DSCAM: variants seen among roughly 807,000 people sequenced by gnomAD.
DSCAM encodes the protein cell adhesion molecule DSCAM.
DSCAM carries 47 observed loss-of-function variants against 217.7 expected under a neutral mutation model. The observed-to-expected ratio is 0.22, with a 90% CI of 0.17 to 0.28. The LOEUF is 0.28. Ranked by LOEUF, DSCAM falls within the 10% of genes least tolerant of loss-of-function variation. The pLI is 1.00. For synonymous variants in DSCAM, 1,056 were observed against 1,015.3 expected, an observed-to-expected ratio of 1.04 and a Z score of -0.76; for missense variants, 2,080 against 2,618.3, an observed-to-expected ratio of 0.79 and a Z score of 4.49.
chr21:40,315,745 C>T (rs1444997235), intron 8 of DSCAM, among the ~76,000 whole-genome samples: 1 of 152,190 alleles, frequency 6.6e-6, no homozygotes, highest in African/African-American at 2.4e-5. Context: ...TGCACTAAAT[C>T]TCATACACAT....
chr21:40,370,897 G>A (rs905406526), intron 3 of DSCAM, among the ~76,000 whole-genome samples: 3 of 152,020 alleles, frequency 2.0e-5, no homozygotes, highest in Non-Finnish European at 2.9e-5. Context: ...GCCAGGGAGT[G>A]TAATCCCTCC....
chr21:40,015,418 T>TA (rs548645633), intron 32 of DSCAM, among the ~76,000 whole-genome samples: 4 of 2,658 alleles, frequency 1.5e-3, no homozygotes, highest in Admixed American at 0.011. Context: ...CTCTTGACTC[T>TA]TTTTTTTTTT....
At chr21:40,089,481 C>T (rs905154148) in intron 21 of DSCAM, among the ~76,000 whole-genome samples, 2 of 152,312 alleles carry the variant, frequency 1.3e-5, no homozygotes, top group East Asian at 1.9e-4. Flanking sequence ...GTGTCCTGGA[C>T]CCCTTCCTAG....
At chr21:40,105,969 G>A (rs566746615) in intron 20 of DSCAM, among the ~76,000 whole-genome samples, 2 of 152,298 alleles carry the variant, frequency 1.3e-5, no homozygotes, top group Admixed American at 6.5e-5. Context: ...TGATCATGGT[G>A]GATAAGTGTA....
intron 3 of DSCAM, among the ~76,000 whole-genome samples, chr21:40,402,638 T>C (rs1280630639): frequency 6.6e-6 from 1 of 151,402 alleles, no homozygotes; most frequent in African/African-American, 2.4e-5. Flanking sequence ...TTAAAAAAAA[T>C]GGCACTTAAC....
chr21:40,757,806 G>A (rs747456481), intron 1 of DSCAM, among the ~76,000 whole-genome samples: 12 of 152,184 alleles, frequency 7.9e-5, no homozygotes, highest in Non-Finnish European at 1.5e-4. Flanking sequence ...ATCAAGTCTC[G>A]ATTGAATCCT....
rs1395857596 is a variant in DSCAM at position 40,799,784 on chromosome 21, G to A, written c.43+46835C>T. Among the ~76,000 whole-genome samples, 6 of 152,030 alleles carry A rather than the reference G, an allele frequency of 3.9e-5. No homozygotes were observed. In the South Asian group the frequency reaches 1.2e-3, roughly 32 times the overall value. On this transcript the variant is annotated intron_variant, in intron 1 of 32. Coordinates refer to ENST00000400454, the MANE Select transcript of DSCAM (RefSeq NM_001389.5). ...TTAAAGATTCTTGTGATTACATTAG[G>A]CTTAATAGTTAATCCAAAATAATCT...
Position 40,278,723 on chromosome 21 carries a change from AGAGGAGGAAGAGAAGGAGGAG to A in DSCAM, c.2183-2474_2183-2454del, listed in dbSNP as rs978867036. On this transcript the variant is annotated intron_variant, in intron 10 of 32. Coordinates refer to ENST00000400454, the MANE Select transcript of DSCAM (RefSeq NM_001389.5). The stretch of plus-strand genomic sequence containing the variant: ...AGATCTTGTCTCTAAAACAAGTGGA[AGAGGAGGAAGAGAAGGAGGAG>A]GAGGAGGAAGAGGAGGAGGAGGAGT... Among the ~76,000 whole-genome samples, 35 of 152,086 alleles carry A rather than the reference AGAGGAGGAAGAGAAGGAGGAG, an allele frequency of 2.3e-4. No homozygotes were observed. The East Asian group carries it at 5.0e-3, about 22-fold the overall frequency.
intron 19 of DSCAM, among the ~76,000 whole-genome samples, chr21:40,133,222 C>A (rs1327378663): frequency 6.6e-6 from 1 of 152,182 alleles, no homozygotes. Flanking sequence ...TAATACAGAA[C>A]CTTTGTTGTA....
chr21:40,032,974 G>T (rs56259665), intron 32 of DSCAM, among the ~76,000 whole-genome samples: 1 of 152,206 alleles, frequency 6.6e-6, no homozygotes, highest in Admixed American at 6.5e-5. Context: ...CATTGCAGAG[G>T]AGGAGGAAGA....
chr21:40,688,200 T>G (rs1383032475), intron 3 of DSCAM, among the ~76,000 whole-genome samples: 1 of 152,166 alleles, frequency 6.6e-6, no homozygotes, highest in East Asian at 1.9e-4. Context: ...TTTTTCCATT[T>G]TCCAAATCCG....
intron 11 of DSCAM, among the ~76,000 whole-genome samples, chr21:40,230,381 A>G (rs948353955): frequency 1.3e-5 from 2 of 152,158 alleles, no homozygotes; most frequent in Admixed American, 1.3e-4. Context: ...TAGAAATCGG[A>G]CTATTCAGTT....
intron 9 of DSCAM, among the ~76,000 whole-genome samples, chr21:40,307,083 T>G (rs2074085859): frequency 6.6e-6 from 1 of 152,120 alleles, no homozygotes; most frequent in Non-Finnish European, 1.5e-5. Flanking sequence ...GGATTCTTTT[T>G]GGATCTAATT....
intron 3 of DSCAM, among the ~76,000 whole-genome samples, chr21:40,448,405 C>G (rs900732071): frequency 1.3e-5 from 2 of 152,052 alleles, no homozygotes; most frequent in African/African-American, 4.8e-5. Flanking sequence ...GACTCTAGGA[C>G]TTACACTAGT....
chr21:40,798,309 T>C (rs2091709270), intron 1 of DSCAM, among the ~76,000 whole-genome samples: 1 of 151,910 alleles, frequency 6.6e-6, no homozygotes, highest in Non-Finnish European at 1.5e-5. Context: ...AAAAAGAGAA[T>C]ACAAATCATC....
chr21:40,153,472 G>A (rs937644631), intron 16 of DSCAM, among the ~76,000 whole-genome samples: 5 of 152,194 alleles, frequency 3.3e-5, no homozygotes, highest in Non-Finnish European at 7.3e-5. Context: ...CCAGGTGCAA[G>A]GACAGAAGAC....
intron 1 of DSCAM, among the ~76,000 whole-genome samples, chr21:40,726,155 C>T (rs530157792): frequency 1.5e-3 from 229 of 152,240 alleles, no homozygotes; most frequent in South Asian, 3.3e-3. Flanking sequence ...CACGCTAATG[C>T]ATCTGAATGT....
At chr21:40,039,542 T>TAAAC (rs1719869412) in intron 32 of DSCAM, among the ~76,000 whole-genome samples, 2 of 152,116 alleles carry the variant, frequency 1.3e-5, no homozygotes, top group South Asian at 2.1e-4. Context: ...GTGTATATTA[T>TAAAC]AAACACACAC....
intron 9 of DSCAM, among the ~76,000 whole-genome samples, chr21:40,304,990 G>A (rs1013486517): frequency 6.6e-6 from 1 of 152,124 alleles, no homozygotes; most frequent in South Asian, 2.1e-4. Context: ...ATACAGACAC[G>A]AAGTGGGCAC....
Sources: gnomAD v4.1 joint callset for allele counts (sites outside exome capture counted in the v4.1 genomes callset) on GRCh38, gnomAD v4.1.1 for gene constraint, MANE v1.5 for transcripts, NCBI Gene and HGNC (gene_info 2026-07-23, HGNC 2026-07-21) for gene names.